RIMBP2: variants seen among roughly 807,000 people sequenced by gnomAD.
RIMBP2 encodes RIMS binding protein 2.
A neutral mutation model predicts 118.6 loss-of-function variants in RIMBP2; 48 were observed. The ratio of observed to expected loss-of-function variants is 0.40; its 90% CI spans 0.32 to 0.51. The LOEUF (loss-of-function observed/expected upper bound fraction) is 0.51, where lower values mean the gene tolerates loss of function less well. Ranked by LOEUF, RIMBP2 falls within the 20% of genes least tolerant of loss-of-function variation. RIMBP2 has a pLI of 0.41. For missense variants in RIMBP2, 1,551 were observed against 1,768.3 expected (o/e 0.88, Z 2.20); for synonymous variants, 762 against 742.9 (o/e 1.03, Z -0.42).
At chr12:130,504,939 T>G (rs2050159748) in intron 4 of RIMBP2, among the ~76,000 whole-genome samples, 1 of 152,180 alleles carries the variant, frequency 6.6e-6, no homozygotes, top group Non-Finnish European at 1.5e-5. Context: ...GAACCATCTT[T>G]CATGGCTTTT....
In RIMBP2 at chr12:130,620,521, T is replaced by G. The variant is rs533251155; in HGVS notation, c.-217+7801A>C. Among the ~76,000 whole-genome samples, 4 of 152,188 alleles carry G rather than the reference T, an allele frequency of 2.6e-5. No individual in the cohort carries two copies. The highest frequency in any genetic ancestry group is 9.6e-5 in the African/African-American group (4 of 41,458). ...AGCCAGGAGGCTTGAAGAACAGGCA[T>G]GCACGGCCCCACAGTCCCAGGGGCC... is the stretch of plus-strand genomic sequence containing the variant. On this transcript the variant is annotated intron_variant, in intron 2 of 22. Coordinates refer to ENST00000690449, the MANE Select transcript of RIMBP2 (RefSeq NM_001393629.1). The surrounding 1 kb of genome is among the most constrained non-coding windows in gnomAD (Gnocchi z 5.3).
chr12:130,467,927 T>C (rs2080644013), intron 6 of RIMBP2, among the ~76,000 whole-genome samples: 1 of 152,230 alleles, frequency 6.6e-6, no homozygotes, highest in African/African-American at 2.4e-5. Context: ...TGGTTCTCCG[T>C]GTGCTCAGGC....
At chr12:130,689,743 G>A (rs557798991) in intron 1 of RIMBP2, among the ~76,000 whole-genome samples, 19 of 152,322 alleles carry the variant, frequency 1.2e-4, no homozygotes, top group South Asian at 4.1e-4. Context: ...AACCCTGCCC[G>A]CGAGTGGAGG....
intron 2 of RIMBP2, among the ~76,000 whole-genome samples, chr12:130,613,457 G>C (rs1357598234): frequency 6.6e-6 from 1 of 152,166 alleles, no homozygotes; most frequent in Non-Finnish European, 1.5e-5. Flanking sequence ...CACAGAAGGA[G>C]GTAGAGGGTG....
Position 130,451,343 on chromosome 12 carries a change from G to T in RIMBP2, c.359-3C>A, listed in dbSNP as rs1031051109. The stretch of plus-strand genomic sequence containing the variant: ...GCCTCCAATAGCGCTCTCCTGACCT[G>T]GCCACGAACATTAAAACAAGTTGAA... On this transcript the variant is annotated splice_polypyrimidine_tract_variant and splice_region_variant and intron_variant, in intron 7 of 22. Coordinates refer to ENST00000690449, the MANE Select transcript of RIMBP2 (RefSeq NM_001393629.1). The T allele has an allele frequency of 6.3e-7, 1 of 1,596,324 alleles. No homozygotes were observed. Among genetic ancestry groups the T allele is most frequent in the Admixed American group, 1.7e-5 (1 of 58,064 alleles).
chr12:130,456,006 T>C (rs2079404543), intron 7 of RIMBP2, among the ~76,000 whole-genome samples: 1 of 152,194 alleles, frequency 6.6e-6, no homozygotes, highest in African/African-American at 2.4e-5. Context: ...CCACTGCCTT[T>C]GCTAGAACAG....
chr12:130,491,934 C>T (rs186634278), intron 4 of RIMBP2, among the ~76,000 whole-genome samples: 37 of 152,308 alleles, frequency 2.4e-4, no homozygotes, highest in Admixed American at 2.2e-3. Flanking sequence ...GTCAGGGTGC[C>T]GCTATCCCAG....
intron 1 of RIMBP2, among the ~76,000 whole-genome samples, chr12:130,666,444 A>G (rs1471081757): frequency 6.6e-6 from 1 of 152,186 alleles, no homozygotes; most frequent in African/African-American, 2.4e-5. Context: ...AAAACTGCAT[A>G]TATTGCTAAA....
At chr12:130,650,164 A>G (rs2063170599) in intron 1 of RIMBP2, among the ~76,000 whole-genome samples, 1 of 152,034 alleles carries the variant, frequency 6.6e-6, no homozygotes, top group African/African-American at 2.4e-5. Flanking sequence ...CCCCAGCACC[A>G]AGGGGGCTTG....
At chr12:130,656,263 C>T (rs892208372) in intron 1 of RIMBP2, among the ~76,000 whole-genome samples, 2 of 152,132 alleles carry the variant, frequency 1.3e-5, no homozygotes, top group Non-Finnish European at 2.9e-5. Flanking sequence ...GGCACCTTCC[C>T]TCCCACAGGG....
At chr12:130,704,510 G>T (rs2066003454) in intron 1 of RIMBP2, among the ~76,000 whole-genome samples, 1 of 152,124 alleles carries the variant, frequency 6.6e-6, no homozygotes, top group African/African-American at 2.4e-5. Context: ...GGGAGGCAGA[G>T]GTTGCAGTGA....
At position 130,641,725 on chromosome 12, in the gene RIMBP2, C is replaced by T. The variant is rs555907348; in HGVS notation, c.-351-13269G>A. Among the ~76,000 whole-genome samples, 8 of 152,190 alleles carry T rather than the reference C, an allele frequency of 5.3e-5. No homozygotes were observed. In the East Asian group the frequency reaches 9.7e-4, roughly 18 times the overall value. ...AGAGGTGGCCGTGCTGAGAGCACTC[C>T]GGGAAAATGAGTCAGCCTCAGGGCA... On this transcript the variant is annotated intron_variant, in intron 1 of 22. Transcript: ENST00000690449.
chr12:130,639,640 G>T (rs2062523900), intron 1 of RIMBP2, among the ~76,000 whole-genome samples: 1 of 151,906 alleles, frequency 6.6e-6, no homozygotes, highest in Non-Finnish European at 1.5e-5. Flanking sequence ...TGGTCAGCAG[G>T]CTGGGCTCAT....
intron 1 of RIMBP2, among the ~76,000 whole-genome samples, chr12:130,689,388 G>A (rs1315262613): frequency 2.0e-5 from 3 of 152,160 alleles, no homozygotes; most frequent in African/African-American, 4.8e-5. Context: ...AGCCAAGATC[G>A]CTCCATGGCA....
Position 130,621,401 on chromosome 12 carries a change from A to G in RIMBP2, c.-217+6921T>C, listed in dbSNP as rs889341717. 1.3e-5 allele frequency among the ~76,000 whole-genome samples: 2 copies of G among 152,180 alleles called. No individual in the cohort carries two copies. The highest frequency in any genetic ancestry group is 2.4e-5 in the African/African-American group (1 of 41,448). Reference sequence around the variant, plus strand: ...ACTCTGATTAAAGACTGACGCCAACACAGAGGAAAAGGATGGAGATTCCCA... The same window carrying G: ...ACTCTGATTAAAGACTGACGCCAACGCAGAGGAAAAGGATGGAGATTCCCA... On this transcript the variant is annotated intron_variant, in intron 2 of 22. Transcript: ENST00000690449. This position sits in a 1 kb window ranked among gnomAD's most constrained non-coding sequence, Gnocchi z 6.6.
chr12:130,403,377 C>A (rs1307761063), intron 21 of RIMBP2, among the ~76,000 whole-genome samples: 1 of 152,118 alleles, frequency 6.6e-6, no homozygotes, highest in Admixed American at 6.5e-5. Flanking sequence ...TTAGGGAAGA[C>A]TATTCAAGAA....
intron 14 of RIMBP2, chr12:130,429,086 G>A (rs748436066): frequency 6.6e-6 from 1 of 152,482 alleles, no homozygotes; most frequent in Non-Finnish European, 1.5e-5. Context: ...CACAGAGCGA[G>A]ACTCCATCTC....
rs184244092 is a variant in RIMBP2, at chr12:130,713,499, G to A, written c.-352+2723C>T. ...ATGGGTGAAAGTCAAAAGAGAAACT[G>A]AGGACATAAGCCATGCACTACCACT... On this transcript the variant is annotated intron_variant, in intron 1 of 22. Transcript: ENST00000690449. Among the ~76,000 whole-genome samples, 127 of 151,882 alleles carry A rather than the reference G, an allele frequency of 8.4e-4. 1 individual carries two copies. Among genetic ancestry groups the A allele is most frequent in the African/African-American group, 2.8e-3 (116 of 41,398 alleles).
chr12:130,480,681 G>A (rs925557290), intron 4 of RIMBP2, among the ~76,000 whole-genome samples: 29 of 152,026 alleles, frequency 1.9e-4, no homozygotes, highest in Middle Eastern at 3.2e-3. Flanking sequence ...GCTCACTGCA[G>A]CCTCCACCTC....
Sources: allele counts gnomAD v4.1 joint callset (sites outside exome capture counted in the v4.1 genomes callset), GRCh38; gene constraint gnomAD v4.1.1; non-coding constraint Gnocchi (gnomAD v3.1); transcripts MANE v1.5; gene names NCBI Gene and HGNC (gene_info 2026-07-23, HGNC 2026-07-21).